The following HDAC5 variants were observed in gnomAD, a reference collection of about 807,000 sequenced individuals.
HDAC5 encodes the protein histone deacetylase 5, also known as antigen NY-CO-9.
HDAC5 carries 25 observed loss-of-function variants against 133.3 expected under a neutral mutation model. The ratio of observed to expected loss-of-function variants is 0.19; its 90% CI spans 0.14 to 0.26. The LOEUF is 0.26. Among genes scored for constraint, HDAC5 ranks in the 10% least tolerant of loss-of-function variants. The pLI, the probability that HDAC5 is intolerant of heterozygous loss-of-function variation, is 1.00. For synonymous variants in HDAC5, 589 were observed against 610.8 expected (o/e 0.96, Z 0.53); for missense variants, 1,041 against 1,460.5 (o/e 0.71, Z 4.68).
chr17:44,085,303 A>C, intron 14 of HDAC5, 148 bp from the exon 15 acceptor site: 1 of 662,798 alleles, frequency 1.5e-6, no homozygotes, highest in Non-Finnish European at 2.3e-6. Flanking sequence ...CCCTGCCACA[A>C]ACCTGCCCCC....
In HDAC5 at chr17:44,108,047, C is replaced by A. The variant is rs77081685; in HGVS notation, c.94+2682G>T. Among the ~76,000 whole-genome samples the A allele has an allele frequency of 9.3e-3, 1,423 of 152,308 alleles. 25 individuals carry two copies. The highest frequency in any genetic ancestry group is 0.031 in the African/African-American group (1,296 of 41,562). On this transcript the variant is annotated intron_variant, in intron 3 of 26. Transcript: ENST00000682912. ...CCATACTAGAGTTCAAACTCCCAGG[C>A]TCCCCAAGCCAGAACTAAGCTGGGA...
chr17:44,120,222 A>C (rs921811975), intron 1 of HDAC5: 2 of 152,266 alleles, frequency 1.3e-5, no homozygotes, highest in African/African-American at 4.8e-5. Flanking sequence ...CCCTGTAGAG[A>C]TCTTGTTCCT....
At position 44,117,228 on chromosome 17, in the gene HDAC5, C is replaced by G. The variant is rs2143637136; in HGVS notation, c.22+266G>C. Among the ~76,000 whole-genome samples the G allele has an allele frequency of 6.6e-6, 1 of 152,360 alleles. No individual in the cohort carries two copies. The highest frequency in any genetic ancestry group is 2.1e-4 in the South Asian group (1 of 4,828). On this transcript the variant is annotated intron_variant, in intron 2 of 26. Coordinates refer to ENST00000682912, the MANE Select transcript of HDAC5 (RefSeq NM_005474.5). This position sits in a 1 kb window ranked among gnomAD's most constrained non-coding sequence, Gnocchi z 4.2. ...TCTTGGCTAGCAGGGGAAGGCGAAG[C>G]TGGAGCTGAACACCCCTAAGTTGAG... is the stretch of plus-strand genomic sequence containing the variant.
chr17:44,100,351 T>TG (rs1403665274), intron 3 of HDAC5, among the ~76,000 whole-genome samples: 1 of 151,738 alleles, frequency 6.6e-6, no homozygotes, highest in Non-Finnish European at 1.5e-5. Context: ...AGAGAAGCCC[T>TG]GGGGGGAGGG....
At chr17:44,081,321 C>A (rs1396401716) in intron 20 of HDAC5, among the ~76,000 whole-genome samples, 1 of 151,962 alleles carries the variant, frequency 6.6e-6, no homozygotes, top group Non-Finnish European at 1.5e-5. Context: ...ACGATCTGGG[C>A]TCACTGCAAC....
chr17:44,095,089 A>G (rs1463057583), intron 3 of HDAC5, among the ~76,000 whole-genome samples: 1 of 152,174 alleles, frequency 6.6e-6, no homozygotes, highest in African/African-American at 2.4e-5. Flanking sequence ...GCCACTGCCC[A>G]GCCTTCAACA....
intron 2 of HDAC5, among the ~76,000 whole-genome samples, chr17:44,116,190 C>T (rs1007629936): frequency 1.3e-5 from 2 of 152,234 alleles, no homozygotes; most frequent in Non-Finnish European, 2.9e-5. Flanking sequence ...AGGTCAGCGT[C>T]ACAACTCAGA....
chr17:44,111,043 C>G (rs1251748670), intron 2 of HDAC5: 1 of 536,786 alleles, frequency 1.9e-6, no homozygotes, highest in South Asian at 1.9e-5. Flanking sequence ...CAGGGAGGCC[C>G]TAGAGCTGCA....
At chr17:44,102,247 G>T (rs967197999) in intron 3 of HDAC5, among the ~76,000 whole-genome samples, 1 of 152,220 alleles carries the variant, frequency 6.6e-6, no homozygotes, top group Non-Finnish European at 1.5e-5. Context: ...CAGAAGAAGG[G>T]CCACCTTTTT....
At position 44,123,579 on chromosome 17, in the gene HDAC5, G is replaced by A; in HGVS notation, c.-265C>T. On this transcript the variant is annotated 5_prime_UTR_variant, in exon 1 of 27. Coordinates refer to ENST00000682912, the MANE Select transcript of HDAC5 (RefSeq NM_005474.5). ...GCGGCAGCGGCGGCAGCACCTCCTC[G>A]ACGGCTCCTCCATCTTTGCGGCGGC... 1 of 400,212 alleles carries A rather than the reference G, an allele frequency of 2.5e-6. No homozygotes were observed. Among genetic ancestry groups the A allele is most frequent in the South Asian group, 1.3e-4 (1 of 7,904 alleles). The allele number at this position is 400,212 out of a possible 1,614,324, so 24.8% of individuals were successfully genotyped here. A position where few individuals can be genotyped will look rare whatever the true frequency, so the allele number is the denominator to read the frequency against.
chr17:44,093,377 G>C lies in HDAC5; in HGVS notation c.463C>G (p.Leu155Val). The change falls in exon 5 of 27, where the codon CTG (leucine) becomes GTG (valine). Residue 155 changes from leucine to valine, a missense_variant. Transcript: ENST00000682912. Reference protein sequence around the residue: ...RQREQQRQEELEKQRLEQQLL... With the variant: ...RQREQQRQEEVEKQRLEQQLL... Reference sequence around the variant, plus strand: ...TGCTGCTCCAGCCGCTGCTTCTCCAGCTCTTCCTGCCGCTGCTGCTCCCGC... The same window carrying C: ...TGCTGCTCCAGCCGCTGCTTCTCCACCTCTTCCTGCCGCTGCTGCTCCCGC... 2 of 1,584,052 alleles carry C rather than the reference G, an allele frequency of 1.3e-6. No individual in the cohort carries two copies. The highest frequency in any genetic ancestry group is 1.7e-6 in the Non-Finnish European group (2 of 1,168,690).
chr17:44,084,595 A>G lies in HDAC5; in HGVS notation c.2265T>C (p.Ser755=). The part of the protein sequence containing the change: ...SEYHTLLYGT[S]PLNRQKLDSK... ...TGTCTAGCTTCTGCCGGTTGAGGGG[A>G]CTGGTCCCATAGAGCAGGGTGTGGT... Residue 755 remains serine (S), a synonymous_variant, in exon 16 of 27, where the codon AGT becomes AGC. Coordinates refer to ENST00000682912, the MANE Select transcript of HDAC5 (RefSeq NM_005474.5). 1.2e-6 allele frequency: 2 copies of G among 1,614,040 alleles called. No individual in the cohort carries two copies. The highest frequency in any genetic ancestry group is 1.7e-6 in the Non-Finnish European group (2 of 1,179,982).
At chr17:44,120,966 G>C (rs990802179) in intron 1 of HDAC5, among the ~76,000 whole-genome samples, 1 of 152,064 alleles carries the variant, frequency 6.6e-6, no homozygotes, top group African/African-American at 2.4e-5. Flanking sequence ...ACCAGGGAAA[G>C]GGGGAGGGTG....
chr17:44,092,230 G>A lies in HDAC5; in HGVS notation c.974C>T (p.Ser325Phe). The change falls in exon 9 of 27, where the codon TCC (serine) becomes TTC (phenylalanine). Residue 325 changes from serine to phenylalanine, a missense_variant. Ser to Phe is a radical substitution (Grantham distance 155, BLOSUM62 -2). Transcript: ENST00000682912. ...PGSGPSSPNSSHSTIAENGFT... is the reference protein window; with the variant it reads ...PGSGPSSPNSFHSTIAENGFT... ...GCCATTCTCAGCGATGGTGCTGTGGGAGCTGTTGGGAGAGCTGGGGCCGGA... is the reference window on the plus strand; with the variant it reads ...GCCATTCTCAGCGATGGTGCTGTGGAAGCTGTTGGGAGAGCTGGGGCCGGA... 6.2e-7 allele frequency: 1 copy of A among 1,614,108 alleles called. No individual in the cohort carries two copies. Among genetic ancestry groups the A allele is most frequent in the Non-Finnish European group, 8.5e-7 (1 of 1,180,008 alleles).
At chr17:44,104,540 G>A (rs1555548647) in intron 3 of HDAC5, among the ~76,000 whole-genome samples, 1 of 152,116 alleles carries the variant, frequency 6.6e-6, no homozygotes, top group Non-Finnish European at 1.5e-5. Flanking sequence ...AACCCGTGCA[G>A]CCAGCGGCTG....
intron 6 of HDAC5, 73 bp downstream of exon 6, chr17:44,093,019 C>A (rs1318547229): frequency 1.1e-5 from 12 of 1,107,858 alleles, no homozygotes; most frequent in Non-Finnish European, 1.3e-5. Context: ...GGAAGAAGCC[C>A]CTTGCCATCC....
chr17:44,083,778 AC>A, intron 17 of HDAC5, 26 bp downstream of exon 17: 1 of 826,820 alleles, frequency 1.2e-6, no homozygotes. Context: ...CCGCCCGCCC[AC>A]CCCCACTGCT....
intron 1 of HDAC5, among the ~76,000 whole-genome samples, chr17:44,119,019 G>A (rs949531203): frequency 1.3e-5 from 2 of 152,196 alleles, no homozygotes; most frequent in Non-Finnish European, 2.9e-5. Flanking sequence ...AGACCCTGAG[G>A]TCCCAGGCTT....
At chr17:44,122,938 C>T (rs1331331922) in intron 1 of HDAC5, among the ~76,000 whole-genome samples, 2 of 152,160 alleles carry the variant, frequency 1.3e-5, no homozygotes, top group South Asian at 2.1e-4. Context: ...TCACAGGAGA[C>T]GGGGTGAGAA....
Sources: gnomAD v4.1 joint callset for allele counts (sites outside exome capture counted in the v4.1 genomes callset) on GRCh38, gnomAD v4.1.1 for gene constraint, Gnocchi (gnomAD v3.1) non-coding constraint, MANE v1.5 for transcripts, NCBI Gene and HGNC (gene_info 2026-07-23, HGNC 2026-07-21) for gene names.